RAD51B: variants seen among roughly 807,000 people sequenced by gnomAD.
The protein encoded by RAD51B is RAD51 paralog B.
Under a neutral mutation model 42.2 loss-of-function variants are expected in RAD51B, and 38 were observed. The observed-to-expected ratio is 0.90, with a 90% CI of 0.70 to 1.18. RAD51B has a LOEUF of 1.18. Among genes scored for constraint, RAD51B ranks in the 50% most tolerant of loss-of-function variants. RAD51B has a pLI of 0.00. For missense variants in RAD51B, 373 were observed against 400.7 expected (o/e 0.93, Z 0.59); for synonymous variants, 154 against 145.2 (o/e 1.06, Z -0.43).
intron 4 of RAD51B, among the ~76,000 whole-genome samples, chr14:67,851,207 G>A (rs990210651): frequency 6.6e-6 from 1 of 152,124 alleles, no homozygotes; most frequent in African/African-American, 2.4e-5. Context: ...AGGGAGATCT[G>A]TAAGTCCCTA....
At chr14:68,074,029 T>C (rs11623467) in intron 7 of RAD51B, among the ~76,000 whole-genome samples, 36,118 of 152,046 alleles carry the variant, frequency 0.24, 5,398 homozygotes, top group African/African-American at 0.42. Flanking sequence ...GTATAGTAGC[T>C]CACGGCAGTT....
At chr14:68,457,849 G>A (rs1213277462) in intron 9 of RAD51B, among the ~76,000 whole-genome samples, 7 of 141,384 alleles carry the variant, frequency 5.0e-5, no homozygotes, top group African/African-American at 7.9e-5. Flanking sequence ...TCCTGACCTC[G>A]TGATACGCCC....
At chr14:67,938,275 C>T (rs2045029934) in intron 7 of RAD51B, among the ~76,000 whole-genome samples, 1 of 152,190 alleles carries the variant, frequency 6.6e-6, no homozygotes, top group Non-Finnish European at 1.5e-5. Context: ...TTAAATTCTT[C>T]AGGCACTTTC....
rs1307131084 is a variant in RAD51B at position 67,825,670 on chromosome 14, A to G, written c.198+93A>G. Reference sequence around the variant, plus strand: ...GGATGAGGCACATGCAGAAATAGAGATGAGTACCTCAAAAATACTGAGTTT... The same window carrying G: ...GGATGAGGCACATGCAGAAATAGAGGTGAGTACCTCAAAAATACTGAGTTT... On this transcript the variant is annotated intron_variant, in intron 3 of 10. Coordinates refer to ENST00000471583, the MANE Select transcript of RAD51B (RefSeq NM_133510.4). 7 of 856,536 alleles carry G rather than the reference A, an allele frequency of 8.2e-6. No homozygotes were observed. In the East Asian group the frequency reaches 2.0e-4, roughly 25 times the overall value. The allele number at this position is 856,536 out of a possible 1,614,324, so 53.1% of individuals were successfully genotyped here. A position where few individuals can be genotyped will look rare whatever the true frequency, so the allele number is the denominator to read the frequency against.
rs181918638 is a variant in RAD51B, at chr14:68,129,565, A to G, written c.757-162319A>G. The stretch of plus-strand genomic sequence containing the variant: ...CGATAAGCACAGGGTCACAGTGGAA[A>G]TTTACACAATTTTCTTAAATACTAT... On this transcript the variant is annotated intron_variant, in intron 7 of 10. Coordinates refer to ENST00000471583, the MANE Select transcript of RAD51B (RefSeq NM_133510.4). Among the ~76,000 whole-genome samples the G allele has an allele frequency of 3.9e-5, 6 of 152,292 alleles. No homozygotes were observed. The East Asian group carries it at 1.2e-3, about 29-fold the overall frequency.
At chr14:68,243,134 G>T (rs541307035) in intron 7 of RAD51B, among the ~76,000 whole-genome samples, 1 of 152,160 alleles carries the variant, frequency 6.6e-6, no homozygotes, top group African/African-American at 2.4e-5. Flanking sequence ...TCTAAAACCT[G>T]GGACTATTTA....
intron 8 of RAD51B, among the ~76,000 whole-genome samples, chr14:68,401,460 A>G (rs1308077937): frequency 6.6e-6 from 1 of 152,136 alleles, no homozygotes; most frequent in African/African-American, 2.4e-5. Context: ...ACCTTGTGCT[A>G]TGGAGGATCC....
intron 9 of RAD51B, among the ~76,000 whole-genome samples, chr14:68,433,284 A>G (rs535405445): frequency 1.3e-5 from 2 of 152,202 alleles, no homozygotes; most frequent in South Asian, 2.1e-4. Flanking sequence ...CCTGAATTGA[A>G]TGTTGGCCTG....
intron 10 of RAD51B, among the ~76,000 whole-genome samples, chr14:68,610,442 C>T (rs1427468698): frequency 6.6e-6 from 1 of 152,202 alleles, no homozygotes; most frequent in Non-Finnish European, 1.5e-5. Flanking sequence ...AGTGGCCTGT[C>T]TCCCTTTCAG....
At chr14:68,585,853 G>A (rs1890438369) in intron 10 of RAD51B, among the ~76,000 whole-genome samples, 1 of 152,172 alleles carries the variant, frequency 6.6e-6, no homozygotes, top group Non-Finnish European at 1.5e-5. Flanking sequence ...TTTGATCTGA[G>A]GCTGTTGGTG....
intron 7 of RAD51B, among the ~76,000 whole-genome samples, chr14:67,968,931 T>G (rs546624568): frequency 6.6e-6 from 1 of 152,288 alleles, no homozygotes; most frequent in Non-Finnish European, 1.5e-5. Flanking sequence ...AAAAAGAGGT[T>G]TAATTGGACT....
At chr14:67,893,511 A>C (rs79577026) in intron 7 of RAD51B, among the ~76,000 whole-genome samples, 1,053 of 67,164 alleles carry the variant, frequency 0.016, 15 homozygotes, top group East Asian at 0.04. Flanking sequence ...CACACACACA[A>C]AAAAAAACAA....
intron 7 of RAD51B, among the ~76,000 whole-genome samples, chr14:67,940,046 ATATATATATTTTTTTTTTTTTTTTT>A (rs2045125402): frequency 6.8e-5 from 1 of 14,662 alleles, no homozygotes. Flanking sequence ...ATATATATAT[ATATATATATTTTTTTTTTTTTTTTT>A]TTTTTTTTTT....
chr14:67,945,981 C>T (rs1277581564), intron 7 of RAD51B, among the ~76,000 whole-genome samples: 1 of 152,138 alleles, frequency 6.6e-6, no homozygotes, highest in Non-Finnish European at 1.5e-5. Context: ...TCAAAAGTCA[C>T]TCCAGTTCAG....
In RAD51B at chr14:68,637,439, A is replaced by T. The variant is rs141853038; in HGVS notation, c.1037-13342A>T. 2.2e-3 allele frequency among the ~76,000 whole-genome samples: 332 copies of T among 152,302 alleles called. 4 individuals carry two copies. Among genetic ancestry groups the T allele is most frequent in the South Asian group, 0.01 (49 of 4,824 alleles). On this transcript the variant is annotated intron_variant, in intron 10 of 11. Coordinates refer to the RAD51B transcript ENST00000488612. ...GGAGTTTGTTCCAGCCATCCTGGGCAGGCCTGAAAGATCTCTGAGCTTAGA... is the reference window on the plus strand; with the variant it reads ...GGAGTTTGTTCCAGCCATCCTGGGCTGGCCTGAAAGATCTCTGAGCTTAGA...
chr14:68,246,675 G>C (rs1256569734), intron 7 of RAD51B, among the ~76,000 whole-genome samples: 2 of 152,146 alleles, frequency 1.3e-5, no homozygotes, highest in Non-Finnish European at 2.9e-5. Flanking sequence ...AAAACTCCAG[G>C]CTGTTTTTTG....
At chr14:68,270,464 A>C (rs1275857541) in intron 7 of RAD51B, among the ~76,000 whole-genome samples, 1 of 152,222 alleles carries the variant, frequency 6.6e-6, no homozygotes, top group African/African-American at 2.4e-5. Context: ...TCTCCAAGTA[A>C]TGAACTTTTA....
intron 10 of RAD51B, among the ~76,000 whole-genome samples, chr14:68,570,510 C>T (rs1206956570): frequency 6.6e-6 from 1 of 152,214 alleles, no homozygotes; most frequent in African/African-American, 2.4e-5. Flanking sequence ...TTCCCATCAA[C>T]TGTTTACTAA....
In RAD51B at chr14:67,884,089, T is replaced by G. The variant is rs993460482; in HGVS notation, c.453-1780T>G. 3.9e-5 allele frequency among the ~76,000 whole-genome samples: 6 copies of G among 152,318 alleles called. No individual in the cohort carries two copies. The South Asian group carries it at 1.2e-3, about 32-fold the overall frequency. ...TGTCGAATATTGCATTTATATTTGG[T>G]TTTTGATTTATATATTTTTAGATGT... On this transcript the variant is annotated intron_variant, in intron 5 of 10. Coordinates refer to ENST00000471583, the MANE Select transcript of RAD51B (RefSeq NM_133510.4).
Sources: gnomAD v4.1 joint callset for allele counts (sites outside exome capture counted in the v4.1 genomes callset) on GRCh38, gnomAD v4.1.1 for gene constraint, MANE v1.5 for transcripts, NCBI Gene and HGNC (gene_info 2026-07-23, HGNC 2026-07-21) for gene names.